The following TRIO variants were observed in gnomAD, a reference collection of about 807,000 sequenced individuals.
The protein encoded by TRIO is triple functional domain protein.
TRIO carries 58 observed loss-of-function variants against 351.9 expected under a neutral mutation model. That is an observed-to-expected ratio of 0.16 (90% confidence interval 0.13 to 0.21). The LOEUF (loss-of-function observed/expected upper bound fraction) is 0.21. Ranked by LOEUF, TRIO falls within the 10% of genes least tolerant of loss-of-function variation. The pLI, the probability that TRIO is intolerant of heterozygous loss-of-function variation, is 1.00. For synonymous variants in TRIO, 1,758 were observed against 1,595.7 expected (o/e 1.10, Z -2.42); for missense variants, 3,201 against 4,027.8 (o/e 0.79, Z 5.56).
In TRIO at chr5:14,497,807, G is replaced by C. The variant is rs746014366; in HGVS notation, c.8020-40G>C. The C allele has an allele frequency of 2.5e-6, 4 of 1,613,540 alleles. No homozygotes were observed. The South Asian group carries it at 4.4e-5, about 18-fold the overall frequency. On this transcript the variant is annotated intron_variant, in intron 50 of 56. Transcript: ENST00000344204. The surrounding 1 kb of genome is among the most constrained non-coding windows in gnomAD (Gnocchi z 4.4). ...AATGAAAGGAATACACCTTAAAGTA[G>C]CTCATTTCAGTTAATGCTTGTTTGC...
At chr5:14,373,790 G>T (rs60892841) in intron 18 of TRIO, among the ~76,000 whole-genome samples, 1 of 152,134 alleles carries the variant, frequency 6.6e-6, no homozygotes, top group African/African-American at 2.4e-5. Flanking sequence ...GAAACAGACT[G>T]TATGACCCCC....
chr5:14,465,764 T>G, intron 37 of TRIO, 124 bp downstream of exon 37: 3 of 1,061,756 alleles, frequency 2.8e-6, no homozygotes, highest in Non-Finnish European at 2.8e-6. Context: ...ATGGCACATC[T>G]CAGGAGTCCC....
chr5:14,453,269 C>T (rs538698945), intron 34 of TRIO, among the ~76,000 whole-genome samples: 2 of 152,152 alleles, frequency 1.3e-5, no homozygotes, highest in Admixed American at 6.5e-5. Flanking sequence ...TAAGTGACTG[C>T]GATGTGCTGA....
At position 14,174,128 on chromosome 5, in the gene TRIO, C is replaced by T. The variant is rs576166335; in HGVS notation, c.157+30246C>T. On this transcript the variant is annotated intron_variant, in intron 1 of 56. Coordinates refer to ENST00000344204, the MANE Select transcript of TRIO (RefSeq NM_007118.4). ...AGCTGCTGATTTATGGAGAAATGAG[C>T]GCTAGTTGCCTTCCACCCGTGTGGC... Among the ~76,000 whole-genome samples the T allele has an allele frequency of 1.8e-4, 27 of 152,286 alleles. No homozygotes were observed. The South Asian group carries it at 3.1e-3, about 18-fold the overall frequency.
chr5:14,462,035 C>T (rs1753858590), intron 35 of TRIO, among the ~76,000 whole-genome samples: 1 of 152,150 alleles, frequency 6.6e-6, no homozygotes, highest in African/African-American at 2.4e-5. Flanking sequence ...ATGAGGGGTC[C>T]TCAGAGTTTT....
At chr5:14,507,356 C>G (rs1757768649) in intron 56 of TRIO, 96 bp downstream of exon 56, 2 of 1,537,038 alleles carry the variant, frequency 1.3e-6, no homozygotes, top group Admixed American at 2.2e-5. Flanking sequence ...CAGGAGCCCC[C>G]AAGTGACTAG....
chr5:14,245,386 T>G (rs1794373717), intron 1 of TRIO, among the ~76,000 whole-genome samples: 1 of 152,194 alleles, frequency 6.6e-6, no homozygotes, highest in Non-Finnish European at 1.5e-5. Context: ...GTTCAGTCTT[T>G]CTGCAACCAC....
At chr5:14,154,164 C>T (rs1338746673) in intron 1 of TRIO, among the ~76,000 whole-genome samples, 2 of 152,072 alleles carry the variant, frequency 1.3e-5, no homozygotes, top group Non-Finnish European at 2.9e-5. Context: ...TCTTGGCTGT[C>T]TGGACTTGGA....
chr5:14,285,180 G>A (rs987386234), intron 3 of TRIO, among the ~76,000 whole-genome samples: 1 of 152,194 alleles, frequency 6.6e-6, no homozygotes, highest in African/African-American at 2.4e-5. Context: ...TGGAGGAGAA[G>A]TGATGGCATG....
At position 14,377,984 on chromosome 5, in the gene TRIO, A is replaced by G. The variant is rs534810560; in HGVS notation, c.3332-28A>G. On this transcript the variant is annotated intron_variant, in intron 19 of 56. Transcript: ENST00000344204. Reference sequence around the variant, plus strand: ...TTGTTTTAATTGATTGCAAGCACCAACATACATCATTTTCTTTTTTCTCTC... The same window carrying G: ...TTGTTTTAATTGATTGCAAGCACCAGCATACATCATTTTCTTTTTTCTCTC... 89 of 1,560,380 alleles carry G rather than the reference A, an allele frequency of 5.7e-5. No homozygotes were observed. In the South Asian group the frequency reaches 8.7e-4, roughly 15 times the overall value.
chr5:14,226,070 G>A (rs999587521), intron 1 of TRIO, among the ~76,000 whole-genome samples: 2 of 152,170 alleles, frequency 1.3e-5, no homozygotes, highest in African/African-American at 4.8e-5. Flanking sequence ...GGGACCATAA[G>A]TGACTTCAGG....
intron 1 of TRIO, among the ~76,000 whole-genome samples, chr5:14,256,651 T>C (rs1795037520): frequency 6.6e-6 from 1 of 152,238 alleles, no homozygotes; most frequent in Non-Finnish European, 1.5e-5. Context: ...ATTAGAAGGA[T>C]TGATTAAAAA....
At chr5:14,255,964 G>A (rs1031079128) in intron 1 of TRIO, among the ~76,000 whole-genome samples, 6 of 152,204 alleles carry the variant, frequency 3.9e-5, no homozygotes, top group Non-Finnish European at 8.8e-5. Context: ...GGTTAGGTTT[G>A]TAAATGGCAA....
chr5:14,469,852 C>G (rs534882004), intron 37 of TRIO, among the ~76,000 whole-genome samples: 1 of 152,242 alleles, frequency 6.6e-6, no homozygotes, highest in Non-Finnish European at 1.5e-5. Context: ...ACCTCCCTGC[C>G]GTCTGCAGCA....
chr5:14,388,297 G>A (rs760859187), intron 23 of TRIO, among the ~76,000 whole-genome samples: 5 of 152,148 alleles, frequency 3.3e-5, no homozygotes, highest in Non-Finnish European at 7.3e-5. Flanking sequence ...AGTGCTGTTG[G>A]CCTCTAGTGG....
chr5:14,367,325 T>G (rs1380217812), intron 16 of TRIO, among the ~76,000 whole-genome samples: 2 of 152,298 alleles, frequency 1.3e-5, no homozygotes, highest in South Asian at 2.1e-4. Flanking sequence ...GGAGCCCACG[T>G]TGCAGTCTCA....
intron 15 of TRIO, 30 bp downstream of exon 15, chr5:14,364,846 C>T (rs2152341316): frequency 6.3e-7 from 1 of 1,591,560 alleles, no homozygotes; most frequent in East Asian, 2.2e-5. Context: ...CTTGGGGAGG[C>T]TGCGCTACAG....
At chr5:14,249,908 TG>T (rs1358843022) in intron 1 of TRIO, among the ~76,000 whole-genome samples, 1 of 152,210 alleles carries the variant, frequency 6.6e-6, no homozygotes, top group Non-Finnish European at 1.5e-5. Context: ...CATGTTCTGC[TG>T]ATTTTCATAC....
At chr5:14,483,555 A>C (rs1232529774) in intron 46 of TRIO, among the ~76,000 whole-genome samples, 1 of 152,054 alleles carries the variant, frequency 6.6e-6, no homozygotes, top group Non-Finnish European at 1.5e-5. Flanking sequence ...GTCCTCCCCC[A>C]TCCGACTCTC....
Sources: allele counts gnomAD v4.1 joint callset (sites outside exome capture counted in the v4.1 genomes callset), GRCh38; gene constraint gnomAD v4.1.1; non-coding constraint Gnocchi (gnomAD v3.1); transcripts MANE v1.5; gene names NCBI Gene and HGNC (gene_info 2026-07-23, HGNC 2026-07-21).